ZNF44: variants seen among roughly 807,000 people sequenced by gnomAD.
ZNF44 encodes the protein gonadotropin inducible transcription repressor-2.
Under a neutral mutation model 11.7 loss-of-function variants are expected in ZNF44, and 9 were observed. The observed-to-expected ratio is 0.77, with a 90% CI of 0.46 to 1.35. ZNF44 has a LOEUF of 1.35. Among genes scored for constraint, ZNF44 ranks in the 40% most tolerant of loss-of-function variants. The probability of loss-of-function intolerance (pLI) is 0.00; values close to 1 mark genes in which losing one functional copy is unlikely to be tolerated. For synonymous variants in ZNF44, 224 were observed against 242.7 expected (o/e 0.92, Z 0.72); for missense variants, 696 against 743.1 (o/e 0.94, Z 0.74).
upstream of ZNF44, among the ~76,000 whole-genome samples, chr19:12,241,555 C>T (rs1009519663): frequency 2.0e-5 from 3 of 152,096 alleles, no homozygotes; most frequent in African/African-American, 7.2e-5. Flanking sequence ...GTTAGCTGGG[C>T]ATAGTGGCAG....
chr19:12,267,015 C>CATTTTT (rs1917758297), downstream of ZNF44, among the ~76,000 whole-genome samples: 1 of 151,188 alleles, frequency 6.6e-6, no homozygotes, highest in Non-Finnish European at 1.5e-5. Context: ...CACACCTTAT[C>CATTTTT]CCTCAGTCTA....
At chr19:12,247,937 G>T in exon 8 of ZNF44, 11 of 1,344,992 alleles carry the variant, frequency 8.2e-6, no homozygotes, top group Non-Finnish European at 9.9e-6. Flanking sequence ...CACATTCCTT[G>T]CATTTGTAGG....
intron 7 of ZNF44, among the ~76,000 whole-genome samples, chr19:12,249,479 T>G (rs1916902119): frequency 6.8e-6 from 1 of 146,350 alleles, no homozygotes; most frequent in African/African-American, 2.5e-5. Flanking sequence ...GCACTCCAGC[T>G]TGGGCGACAG....
intron 5 of ZNF44, among the ~76,000 whole-genome samples, chr19:12,252,062 A>AC (rs1455651374): frequency 6.6e-6 from 1 of 152,122 alleles, no homozygotes; most frequent in African/African-American, 2.4e-5. Flanking sequence ...AAAAAAAAAA[A>AC]AAAACAGATT....
chr19:12,265,964 T>C (rs1917711498), intron 5 of ZNF44, among the ~76,000 whole-genome samples: 1 of 152,144 alleles, frequency 6.6e-6, no homozygotes, highest in African/African-American at 2.4e-5. Context: ...AGGCGGGAAT[T>C]CTCCCCATGA....
downstream of ZNF44, among the ~76,000 whole-genome samples, chr19:12,271,421 C>T (rs1966944274): frequency 6.6e-6 from 1 of 152,168 alleles, no homozygotes; most frequent in African/African-American, 2.4e-5. Context: ...AAAGAGTCAA[C>T]ATCTTCAATC....
chr19:12,274,591 A>C (rs1029923431), intron 3 of ZNF44, among the ~76,000 whole-genome samples: 1 of 148,894 alleles, frequency 6.7e-6, no homozygotes, highest in Non-Finnish European at 1.5e-5. Context: ...TTTTTTTAAG[A>C]CAGGGTCTTG....
chr19:12,275,703 T>C (rs1234793372), intron 2 of ZNF44, among the ~76,000 whole-genome samples: 1 of 152,198 alleles, frequency 6.6e-6, no homozygotes, highest in African/African-American at 2.4e-5. Context: ...GAATACAGTA[T>C]GCAATACATA....
At chr19:12,290,492 G>A (rs1040695313) in intron 1 of ZNF44, among the ~76,000 whole-genome samples, 1 of 150,618 alleles carries the variant, frequency 6.6e-6, no homozygotes, top group Non-Finnish European at 1.5e-5. Context: ...CACAAGGTCA[G>A]GAGTTGAGAC....
downstream of ZNF44, among the ~76,000 whole-genome samples, chr19:12,269,670 TATAA>T (rs1486425307): frequency 5.3e-5 from 8 of 152,232 alleles, no homozygotes; most frequent in South Asian, 4.1e-4. Context: ...GGCCAATAGT[TATAA>T]ATGTTATAAC....
At chr19:12,266,704 C>T (rs949524807) in intron 5 of ZNF44, among the ~76,000 whole-genome samples, 1 of 152,200 alleles carries the variant, frequency 6.6e-6, no homozygotes, top group African/African-American at 2.4e-5. Context: ...ATCCTCAAAC[C>T]TATTGTTTAA....
chr19:12,272,700 A>G lies in ZNF44; in HGVS notation c.1555T>C (p.Leu519=). The G allele has an allele frequency of 6.2e-7, 1 of 1,613,710 alleles. No individual in the cohort carries two copies. The highest frequency in any genetic ancestry group is 8.5e-7 in the Non-Finnish European group (1 of 1,179,674). The change falls in exon 4 of 4, where the codon TTA becomes CTA. Residue 519 remains leucine (L), a synonymous_variant. Transcript: ENST00000355684. The stretch of plus-strand genomic sequence containing the variant: ...GTGTGAGTCCTTTCATGAGTTTTTA[A>G]GTAACTGAAACGACTGAAGGCTTTG... The part of the protein sequence containing the change: ...CGKAFSRFSY[L]KTHERTHTAE...
At chr19:12,263,084 C>CTT (rs113781753) in intron 5 of ZNF44, among the ~76,000 whole-genome samples, 57 of 143,278 alleles carry the variant, frequency 4.0e-4, no homozygotes, top group African/African-American at 8.4e-4. Context: ...ATTCATCAAT[C>CTT]TTTTTTTTTT....
chr19:12,284,619 G>A (rs187817208), intron 1 of ZNF44: 26 of 735,984 alleles, frequency 3.5e-5, no homozygotes, highest in Non-Finnish European at 5.1e-5. Context: ...TCTCAAGGAC[G>A]AGGTTTTGAT....
At chr19:12,235,374 G>GA (rs995201043) in intron 1 of ZNF44, among the ~76,000 whole-genome samples, 8 of 151,660 alleles carry the variant, frequency 5.3e-5, no homozygotes, top group East Asian at 1.9e-4. Context: ...GTCTCGTCTC[G>GA]AAAAAAACAA....
chr19:12,227,031 C>T (rs1441876176), intron 3 of ZNF44, among the ~76,000 whole-genome samples: 2 of 152,174 alleles, frequency 1.3e-5, no homozygotes, highest in Non-Finnish European at 2.9e-5. Context: ...CCACTGCATT[C>T]CAGCTTGGGC....
chr19:12,264,074 A>G (rs936270460), intron 5 of ZNF44, among the ~76,000 whole-genome samples: 1 of 152,144 alleles, frequency 6.6e-6, no homozygotes, highest in South Asian at 2.1e-4. Flanking sequence ...GTGACAGAGT[A>G]AGACCCTGTA....
chr19:12,273,810 C>T lies in ZNF44; in HGVS notation c.445G>A (p.Gly149Ser), dbSNP rs754745930. Residue 149 changes from glycine (G) to serine (S), a missense_variant, in exon 4 of 4, where the codon GGC becomes AGC. By Grantham distance (56) the Gly-to-Ser change is moderately conservative (BLOSUM62 0). Coordinates refer to ENST00000355684, the MANE Select transcript of ZNF44 (RefSeq NM_016264.4). ...TGAAAGGAGTGGCGATAACTTAAGC[C>T]TTTCCCACACTGCTTATGTGTATAT... Reference protein sequence around the residue: ...KSYTHKQCGKGLSYRHSFQTC... With the variant: ...KSYTHKQCGKSLSYRHSFQTC... 1.9e-6 allele frequency: 3 copies of T among 1,614,198 alleles called. No homozygotes were observed. The highest frequency in any genetic ancestry group is 1.7e-5 in the Admixed American group (1 of 60,028).
At chr19:12,248,277 T>C (rs1385320738) in exon 8 of ZNF44, 2 of 1,296,558 alleles carry the variant, frequency 1.5e-6, no homozygotes, top group Admixed American at 4.6e-5. Flanking sequence ...TTCTTTACAC[T>C]TAAAGGGTTT....
Sources: allele counts gnomAD v4.1 joint callset (sites outside exome capture counted in the v4.1 genomes callset), GRCh38; gene constraint gnomAD v4.1.1; transcripts MANE v1.5; gene names NCBI Gene and HGNC (gene_info 2026-07-23, HGNC 2026-07-21).